Variants in KMT2C observed in about 807,000 individuals in gnomAD.
KMT2C encodes lysine methyltransferase 2C.
KMT2C carries 88 observed loss-of-function variants against 507.9 expected under a neutral mutation model. The observed-to-expected ratio is 0.17, with a 90% CI of 0.15 to 0.21. The LOEUF is 0.21. Among genes scored for constraint, KMT2C ranks in the 10% least tolerant of loss-of-function variants. The pLI, the probability that KMT2C is intolerant of heterozygous loss-of-function variation, is 1.00. For missense variants in KMT2C, 4,954 were observed against 5,957.8 expected, an observed-to-expected ratio of 0.83 and a Z score of 5.55; for synonymous variants, 2,049 against 2,080.8, an observed-to-expected ratio of 0.98 and a Z score of 0.42.
At chr7:152,235,204 G>GGT (rs2095241212) in intron 16 of KMT2C, among the ~76,000 whole-genome samples, 2 of 132,518 alleles carry the variant, frequency 1.5e-5, no homozygotes, top group East Asian at 5.0e-4. Flanking sequence ...CGTTTTCAAG[G>GGT]GTGTATATAT....
chr7:152,416,012 A>C lies in KMT2C; in HGVS notation c.161+19614T>G, dbSNP rs569876017. Among the ~76,000 whole-genome samples the C allele has an allele frequency of 8.5e-5, 13 of 152,310 alleles. No individual in the cohort carries two copies. In the East Asian group the frequency reaches 2.1e-3, roughly 25 times the overall value. ...ATCATACATGACAAAGGTTTGATAA[A>C]ACTAGACCTATCACACATTGCTAAT... On this transcript the variant is annotated intron_variant, in intron 1 of 58. Transcript: ENST00000262189.
Position 152,281,929 on chromosome 7 carries a change from T to G in KMT2C, c.850-8062A>C, listed in dbSNP as rs546227456. On this transcript the variant is annotated intron_variant, in intron 6 of 58. Coordinates refer to ENST00000262189, the MANE Select transcript of KMT2C (RefSeq NM_170606.3). ...GTTATATACAAGTAATAAAGACAAA[T>G]TCATCGACTATGGAAATGTACTAAG... Among the ~76,000 whole-genome samples the G allele has an allele frequency of 4.5e-4, 68 of 152,158 alleles. 1 individual carries two copies. In the South Asian group the frequency reaches 0.014, roughly 31 times the overall value.
intron 1 of KMT2C, among the ~76,000 whole-genome samples, chr7:152,377,145 T>C (rs2097335061): frequency 6.6e-6 from 1 of 152,312 alleles, no homozygotes; most frequent in African/African-American, 2.4e-5. Context: ...TTAAGAATTA[T>C]GCTATATCTA....
At chr7:152,375,783 T>G (rs1443113088) in intron 1 of KMT2C, among the ~76,000 whole-genome samples, 1 of 152,194 alleles carries the variant, frequency 6.6e-6, no homozygotes. Flanking sequence ...ACTTTTTCAT[T>G]ATTATTATAT....
At chr7:152,236,441 T>TG (rs2129156049) in intron 15 of KMT2C, among the ~76,000 whole-genome samples, 1 of 152,326 alleles carries the variant, frequency 6.6e-6, no homozygotes, top group East Asian at 1.9e-4. Context: ...ATGAGTGTGC[T>TG]GAGGAATAAA....
Position 152,162,275 on chromosome 7 carries a change from C to T in KMT2C, c.11302G>A (p.Ala3768Thr), listed in dbSNP as rs759604394. Residue 3768 changes from alanine to threonine, a missense_variant, in exon 43 of 59, where the codon GCC (alanine) becomes ACC (threonine). Ala to Thr is a moderately conservative substitution (Grantham distance 58). Transcript: ENST00000262189. ...SPPHSAGAPA[A>T]KGDSGNELLK... ...AGTTCATTCCCTGAGTCTCCTTTGG[C>T]AGCAGGGGCCCCAGCAGAATGGGGA... 6.2e-7 allele frequency: 1 copy of T among 1,614,156 alleles called. No individual in the cohort carries two copies. The highest frequency in any genetic ancestry group is 8.5e-7 in the Non-Finnish European group (1 of 1,179,996).
chr7:152,350,300 G>A (rs2097099905), intron 2 of KMT2C, among the ~76,000 whole-genome samples: 1 of 152,120 alleles, frequency 6.6e-6, no homozygotes, highest in Non-Finnish European at 1.5e-5. Context: ...ACTTATGCTA[G>A]AAGTAACTGA....
intron 6 of KMT2C, among the ~76,000 whole-genome samples, chr7:152,307,196 A>AG (rs1315651449): frequency 4.2e-3 from 48 of 11,368 alleles, no homozygotes; most frequent in Non-Finnish European, 5.5e-3. Flanking sequence ...AAGAAGAGGG[A>AG]GGAAGGAAGG....
intron 1 of KMT2C, among the ~76,000 whole-genome samples, chr7:152,364,436 T>C (rs1199821257): frequency 6.6e-6 from 1 of 151,658 alleles, no homozygotes; most frequent in Non-Finnish European, 1.5e-5. Context: ...TGAAACCCCA[T>C]CTCTACTAAA....
intron 51 of KMT2C, among the ~76,000 whole-genome samples, chr7:152,149,401 T>C (rs1480434008): frequency 6.6e-6 from 1 of 152,194 alleles, no homozygotes; most frequent in Non-Finnish European, 1.5e-5. Context: ...CACAAAGCCA[T>C]AATTCTGGAG....
At chr7:152,383,359 C>T (rs1589616783) in intron 1 of KMT2C, among the ~76,000 whole-genome samples, 1 of 151,982 alleles carries the variant, frequency 6.6e-6, no homozygotes, top group African/African-American at 2.4e-5. Context: ...GTGGGAAAAG[C>T]ATTTTTAGTA....
rs2129132944 is a variant in KMT2C, at chr7:152,199,288, C to A, written c.4264G>T (p.Gly1422Ter). 1 of 1,593,450 alleles carries A rather than the reference C, an allele frequency of 6.3e-7. No individual in the cohort carries two copies. The highest frequency in any genetic ancestry group is 1.8e-5 in the Admixed American group (1 of 55,534). Residue 1422 changes from glycine to a stop codon, truncating the protein, a stop_gained, in exon 27 of 59, where the codon GGA (glycine) becomes TGA (stop). Coordinates refer to ENST00000262189, the MANE Select transcript of KMT2C (RefSeq NM_170606.3). LOFTEE classifies it high-confidence loss of function. The part of the protein sequence containing the change: ...LSSSSAPTKS[G>*]THGPADDPLA... ...GAATAATTCTACATACCGTGAGTTCCAGATTTTGTTGGAGCCGAGGATGAA... is the reference window on the plus strand; with the variant it reads ...GAATAATTCTACATACCGTGAGTTCAAGATTTTGTTGGAGCCGAGGATGAA...
chr7:152,203,144 C>T (rs2094196050), intron 25 of KMT2C, 80 bp from the exon 26 acceptor site: 5 of 1,066,698 alleles, frequency 4.7e-6, no homozygotes, highest in Admixed American at 2.6e-5. Context: ...TTATACCTTA[C>T]CAACATACAC....
intron 14 of KMT2C, among the ~76,000 whole-genome samples, chr7:152,245,033 A>G (rs1263854042): frequency 6.6e-6 from 1 of 152,198 alleles, no homozygotes; most frequent in African/African-American, 2.4e-5. Context: ...CTAACATCTC[A>G]CCTTCAGAAA....
rs565404139 is a variant in KMT2C at position 152,220,851 on chromosome 7, C to T, written c.3500-116G>A. 354 of 703,984 alleles carry T rather than the reference C, an allele frequency of 5.0e-4. 1 individual carries two copies. Among genetic ancestry groups the T allele is most frequent in the Middle Eastern group, 8.0e-4 (2 of 2,490 alleles). 43.6% of individuals were successfully genotyped at this position (703,984 alleles called of 1,614,324 possible). A position where few individuals can be genotyped will look rare whatever the true frequency, so the allele number is the denominator to read the frequency against. ...TGACTGTAGTTCTAGAAAGCAATTACGTATCTATGAAATGCATGAATAATT... is the reference window on the plus strand; with the variant it reads ...TGACTGTAGTTCTAGAAAGCAATTATGTATCTATGAAATGCATGAATAATT... On this transcript the variant is annotated intron_variant, in intron 22 of 58. Transcript: ENST00000262189.
rs1013412310 is a variant in KMT2C at position 152,144,314 on chromosome 7, G to A, written c.14343+399C>T. On this transcript the variant is annotated intron_variant, in intron 55 of 58. Transcript: ENST00000262189. The surrounding 1 kb of genome is among the most constrained non-coding windows in gnomAD (Gnocchi z 4.4). The stretch of plus-strand genomic sequence containing the variant: ...AAAACATGCACTGATTTCATGAAAC[G>A]GTAGCTTCCAAAAGATAAGGTAACT... Among the ~76,000 whole-genome samples the A allele has an allele frequency of 3.3e-5, 5 of 152,148 alleles. No homozygotes were observed. Among genetic ancestry groups the A allele is most frequent in the Non-Finnish European group, 4.4e-5 (3 of 68,024 alleles).
At chr7:152,341,433 A>G (rs2129219845) in intron 2 of KMT2C, among the ~76,000 whole-genome samples, 1 of 152,334 alleles carries the variant, frequency 6.6e-6, no homozygotes, top group South Asian at 2.1e-4. Flanking sequence ...AAACCATCGA[A>G]GCAGTCAGTA....
intron 43 of KMT2C, among the ~76,000 whole-genome samples, chr7:152,161,878 T>G (rs758229684): frequency 2.0e-5 from 3 of 152,268 alleles, no homozygotes; most frequent in African/African-American, 4.8e-5. Flanking sequence ...TCACGTTATA[T>G]ATGAAATGCA....
At chr7:152,275,328 AG>A (rs2096062786) in intron 6 of KMT2C, among the ~76,000 whole-genome samples, 1 of 152,148 alleles carries the variant, frequency 6.6e-6, no homozygotes, top group East Asian at 1.9e-4. Flanking sequence ...GTGGATCACG[AG>A]GTCAGGAGAT....
Sources: gnomAD v4.1 joint callset for allele counts (sites outside exome capture counted in the v4.1 genomes callset) on GRCh38, gnomAD v4.1.1 for gene constraint, Gnocchi (gnomAD v3.1) non-coding constraint, MANE v1.5 for transcripts, NCBI Gene and HGNC (gene_info 2026-07-23, HGNC 2026-07-21) for gene names.